Variants in INPP4B observed in about 807,000 individuals in gnomAD.
The protein encoded by INPP4B is inositol polyphosphate 4-phosphatase type II.
A neutral mutation model predicts 122.5 loss-of-function variants in INPP4B; 55 were observed. That is an observed-to-expected ratio of 0.45 (90% confidence interval 0.36 to 0.56). The LOEUF (loss-of-function observed/expected upper bound fraction) is 0.56, where lower values mean the gene tolerates loss of function less well. Among genes scored for constraint, INPP4B ranks in the 20% least tolerant of loss-of-function variants. The pLI is 0.00. For synonymous variants in INPP4B, 403 were observed against 388.7 expected, an observed-to-expected ratio of 1.04 and a Z score of -0.43; for missense variants, 1,000 against 1,097.7, an observed-to-expected ratio of 0.91 and a Z score of 1.26.
rs796400415 is a variant in INPP4B at position 142,806,764 on chromosome 4, GAAGA to G, written c.-254+39441_-254+39444del. 1.9e-3 allele frequency among the ~76,000 whole-genome samples: 73 copies of G among 39,100 alleles called. 1 individual carries two copies. The highest frequency in any genetic ancestry group is 4.6e-3 in the African/African-American group (57 of 12,476). The allele number at this position is 39,100 out of a possible 152,430, so 25.7% of individuals were successfully genotyped here. A position where few individuals can be genotyped will look rare whatever the true frequency, so the allele number is the denominator to read the frequency against. On this transcript the variant is annotated intron_variant, in intron 1 of 25. Transcript: ENST00000262992. ...GTTAAAAAAAAAGAAGAAGAAGAAA[GAAGA>G]AAGAAAGAAAGAAAGAAGGAAAGAA...
chr4:142,170,786 T>C (rs1471933672), intron 16 of INPP4B, among the ~76,000 whole-genome samples: 1 of 151,800 alleles, frequency 6.6e-6, no homozygotes, highest in Admixed American at 6.6e-5. Flanking sequence ...TGTGTTTTAT[T>C]CCATTTTTCT....
intron 2 of INPP4B, among the ~76,000 whole-genome samples, chr4:142,641,595 G>A (rs1446052331): frequency 6.6e-6 from 1 of 152,084 alleles, no homozygotes; most frequent in African/African-American, 2.4e-5. Flanking sequence ...CAAAGGACAT[G>A]AACTCATCCT....
intron 5 of INPP4B, 79 bp from the exon 6 acceptor site, chr4:142,405,403 G>A (rs2149195845): frequency 1.2e-6 from 1 of 855,164 alleles, no homozygotes. Flanking sequence ...GGCTGAAAGT[G>A]AACTTAGCTA....
intron 23 of INPP4B, among the ~76,000 whole-genome samples, chr4:142,090,665 C>T (rs990281334): frequency 1.3e-5 from 2 of 151,844 alleles, no homozygotes; most frequent in African/African-American, 4.8e-5. Context: ...AAAATTTAGA[C>T]AGGGCAGCTG....
chr4:142,070,288 C>T (rs1222711025), intron 25 of INPP4B, among the ~76,000 whole-genome samples: 1 of 152,076 alleles, frequency 6.6e-6, no homozygotes, highest in African/African-American at 2.4e-5. Context: ...ATTCGACAGC[C>T]TTTCATGATA....
chr4:142,346,321 C>T (rs1579805248), intron 7 of INPP4B, among the ~76,000 whole-genome samples: 1 of 151,994 alleles, frequency 6.6e-6, no homozygotes, highest in Non-Finnish European at 1.5e-5. Flanking sequence ...CACTTTTCTT[C>T]TTTTTGACTC....
chr4:142,581,753 G>C (rs1735134616), intron 2 of INPP4B, among the ~76,000 whole-genome samples: 1 of 151,800 alleles, frequency 6.6e-6, no homozygotes, highest in Admixed American at 6.6e-5. Context: ...ATTCTAAATT[G>C]AGCATCAGTA....
chr4:142,493,856 G>C (rs1027456655), intron 2 of INPP4B, among the ~76,000 whole-genome samples: 3 of 152,018 alleles, frequency 2.0e-5, no homozygotes, highest in African/African-American at 7.2e-5. Flanking sequence ...GAACTGGGAG[G>C]GACCAGGGGG....
At chr4:142,068,945 T>C (rs2152471814) in intron 25 of INPP4B, among the ~76,000 whole-genome samples, 1 of 152,252 alleles carries the variant, frequency 6.6e-6, no homozygotes, top group Admixed American at 6.5e-5. Context: ...TTAACAAGGA[T>C]ATCCAGGAAT....
chr4:142,601,762 G>C (rs1046847025), intron 2 of INPP4B, among the ~76,000 whole-genome samples: 2 of 151,914 alleles, frequency 1.3e-5, no homozygotes, highest in African/African-American at 4.8e-5. Context: ...GAGGTCAGGA[G>C]ATCAAGACCA....
chr4:142,189,440 T>G (rs113666884), intron 15 of INPP4B, among the ~76,000 whole-genome samples: 12 of 152,102 alleles, frequency 7.9e-5, no homozygotes, highest in African/African-American at 2.9e-4. Flanking sequence ...AAAAGCACAA[T>G]GTATTACAGA....
intron 7 of INPP4B, among the ~76,000 whole-genome samples, chr4:142,394,635 T>C (rs1402779300): frequency 6.6e-6 from 1 of 152,230 alleles, no homozygotes; most frequent in Non-Finnish European, 1.5e-5. Flanking sequence ...CGAATGTTTA[T>C]GCAGGTCCTT....
At chr4:142,152,366 C>T (rs947018725) in intron 17 of INPP4B, among the ~76,000 whole-genome samples, 4 of 151,998 alleles carry the variant, frequency 2.6e-5, no homozygotes, top group Non-Finnish European at 5.9e-5. Flanking sequence ...TGAGTCACCG[C>T]ACCCGGCACT....
intron 23 of INPP4B, among the ~76,000 whole-genome samples, chr4:142,102,460 CTTT>C (rs35404733): frequency 3.3e-4 from 33 of 99,670 alleles, no homozygotes; most frequent in East Asian, 1.9e-3. Context: ...TGAACAAAGT[CTTT>C]TTTTTTTTTT....
intron 25 of INPP4B, 29 bp downstream of exon 25, chr4:142,082,002 G>GAA (rs11446749): frequency 2.8e-5 from 39 of 1,388,332 alleles, no homozygotes; most frequent in Middle Eastern, 1.9e-4. Flanking sequence ...GACCTTAAAA[G>GAA]AAAAAAACTT....
At chr4:142,802,034 G>C (rs941652804) in intron 1 of INPP4B, among the ~76,000 whole-genome samples, 5 of 152,104 alleles carry the variant, frequency 3.3e-5, no homozygotes, top group African/African-American at 4.8e-5. Flanking sequence ...ATCATTGGTA[G>C]GACTTGGTCA....
intron 2 of INPP4B, among the ~76,000 whole-genome samples, chr4:142,662,918 G>A (rs762205669): frequency 2.6e-5 from 4 of 152,098 alleles, no homozygotes; most frequent in Non-Finnish European, 5.9e-5. Context: ...ACATGGGCTG[G>A]TCTCATAATT....
intron 7 of INPP4B, among the ~76,000 whole-genome samples, chr4:142,332,831 C>T (rs1775078514): frequency 1.3e-5 from 2 of 149,400 alleles, no homozygotes; most frequent in Admixed American, 6.7e-5. Flanking sequence ...GGCGAAATCC[C>T]GTCTCTACTA....
At chr4:142,582,618 C>G (rs1384523874) in intron 2 of INPP4B, among the ~76,000 whole-genome samples, 1 of 152,100 alleles carries the variant, frequency 6.6e-6, no homozygotes, top group Non-Finnish European at 1.5e-5. Flanking sequence ...AGAAAATGGT[C>G]TAACCAAAGA....
Sources: allele counts gnomAD v4.1 joint callset (sites outside exome capture counted in the v4.1 genomes callset), GRCh38; gene constraint gnomAD v4.1.1; transcripts MANE v1.5; gene names NCBI Gene and HGNC (gene_info 2026-07-23, HGNC 2026-07-21).